The following GOLGB1 variants were observed in gnomAD, a reference collection of about 807,000 sequenced individuals.
GOLGB1 encodes golgin subfamily B member 1.
In GOLGB1, 174 loss-of-function variants were observed where a neutral mutation model predicts 336.9. The observed-to-expected ratio is 0.52, with a 90% CI of 0.46 to 0.59. GOLGB1 has a LOEUF of 0.59. Ranked by LOEUF, GOLGB1 falls within the 20% of genes least tolerant of loss-of-function variation. The pLI, the probability that GOLGB1 is intolerant of heterozygous loss-of-function variation, is 0.00. For missense variants in GOLGB1, 3,331 were observed against 3,645.3 expected, an observed-to-expected ratio of 0.91 and a Z score of 2.22; for synonymous variants, 1,208 against 1,289.2, an observed-to-expected ratio of 0.94 and a Z score of 1.35.
At chr3:121,736,681 T>C (rs574478195) in intron 1 of GOLGB1, among the ~76,000 whole-genome samples, 8 of 152,144 alleles carry the variant, frequency 5.3e-5, no homozygotes, top group South Asian at 2.1e-4. Flanking sequence ...GGCAGGCAGA[T>C]CACTTGAGGT....
chr3:121,669,683 G>A (rs993738232), intron 17 of GOLGB1, among the ~76,000 whole-genome samples: 2 of 152,044 alleles, frequency 1.3e-5, no homozygotes, highest in Non-Finnish European at 2.9e-5. Flanking sequence ...TACATAAGAG[G>A]GAGAAGGCAG....
chr3:121,723,253 A>C (rs772275696), intron 5 of GOLGB1, among the ~76,000 whole-genome samples: 3 of 152,226 alleles, frequency 2.0e-5, no homozygotes, highest in Non-Finnish European at 2.9e-5. Context: ...TTTTGGCATG[A>C]CTATATTTCA....
In GOLGB1 at chr3:121,696,237, T is replaced by C. The variant is rs143141179; in HGVS notation, c.4286A>G (p.Lys1429Arg). The C allele has an allele frequency of 3.2e-5, 51 of 1,614,008 alleles. No individual in the cohort carries two copies. The highest frequency in any genetic ancestry group is 4.2e-5 in the Non-Finnish European group (49 of 1,179,982). The part of the protein sequence containing the change: ...QLSEKEAALT[K>R]IQTEIIEQED... The stretch of plus-strand genomic sequence containing the variant: ...TTGTTCTATTATCTCTGTCTGTATT[T>C]TAGTGAGAGCTGCTTCTTTCTCACT... The change falls in exon 13 of 22, where the codon AAA becomes AGA. Residue 1429 changes from lysine (K) to arginine (R), a missense_variant. Physicochemically the swap from Lys to Arg is conservative, Grantham distance 26. Transcript: ENST00000614479.
At chr3:121,730,622 G>T (rs767304405) in intron 2 of GOLGB1, among the ~76,000 whole-genome samples, 2 of 152,184 alleles carry the variant, frequency 1.3e-5, no homozygotes, top group Non-Finnish European at 2.9e-5. Context: ...AAAACACTCT[G>T]GCACCAAACA....
chr3:121,700,900 T>C (rs1055112898), intron 11 of GOLGB1, among the ~76,000 whole-genome samples: 3 of 152,130 alleles, frequency 2.0e-5, no homozygotes, highest in Non-Finnish European at 1.5e-5. Flanking sequence ...CTAATACTTA[T>C]CATTCTCTGA....
chr3:121,737,978 T>A (rs897417030), intron 1 of GOLGB1, among the ~76,000 whole-genome samples: 5 of 152,164 alleles, frequency 3.3e-5, no homozygotes, highest in Admixed American at 1.3e-4. Flanking sequence ...CATGAGTACA[T>A]AGGGCCATAT....
intron 4 of GOLGB1, among the ~76,000 whole-genome samples, chr3:121,727,320 A>ATATATT (rs1365310516): frequency 1.7e-4 from 5 of 28,636 alleles, no homozygotes; most frequent in African/African-American, 3.9e-4. Flanking sequence ...ATATATATAT[A>ATATATT]TTTTTTTTTT....
chr3:121,674,868 G>A (rs902184786), intron 17 of GOLGB1, among the ~76,000 whole-genome samples: 2 of 125,208 alleles, frequency 1.6e-5, no homozygotes, highest in African/African-American at 3.1e-5. Context: ...TCGCTCTGTC[G>A]CCCAGGCCGG....
chr3:121,730,204 A>G (rs1319703577), intron 2 of GOLGB1, 187 bp from the exon 3 acceptor site: 1 of 473,994 alleles, frequency 2.1e-6, no homozygotes, highest in African/African-American at 2.0e-5. Context: ...ATAAATGTTA[A>G]GCATTTTACA....
intron 17 of GOLGB1, among the ~76,000 whole-genome samples, chr3:121,670,656 G>A (rs1939380324): frequency 6.7e-6 from 1 of 150,082 alleles, no homozygotes; most frequent in African/African-American, 2.5e-5. Flanking sequence ...GGACTCAAGT[G>A]TGGTTCTTGA....
Position 121,677,421 on chromosome 3 carries a change from T to C in GOLGB1, c.8903A>G (p.Glu2968Gly). The change falls in exon 16 of 22, where the codon GAG becomes GGG. Residue 2968 changes from glutamate (E) to glycine (G), a missense_variant. By Grantham distance (98) the Glu-to-Gly change is moderately conservative (BLOSUM62 -2). Coordinates refer to ENST00000614479, the MANE Select transcript of GOLGB1 (RefSeq NM_001366282.2). ...AAGGTACTGTTCCTTCATTCTCCTC[T>C]CATGTATTTCCCAGGAACTCTTCTC... The part of the protein sequence containing the change: ...RMEKSSWEIH[E>G]RRMKEQYLMA... The C allele has an allele frequency of 6.2e-7, 1 of 1,609,334 alleles. No individual in the cohort carries two copies. Among genetic ancestry groups the C allele is most frequent in the Non-Finnish European group, 8.5e-7 (1 of 1,175,866 alleles).
chr3:121,729,057 G>GA (rs374167251), intron 4 of GOLGB1, 131 bp downstream of exon 4: 34,466 of 474,336 alleles, frequency 0.073, no homozygotes, highest in East Asian at 0.1. Context: ...AGCTCTATAA[G>GA]AAAAAAAAAA....
At chr3:121,738,836 G>C (rs1223533417) in intron 1 of GOLGB1, among the ~76,000 whole-genome samples, 2 of 152,126 alleles carry the variant, frequency 1.3e-5, no homozygotes, top group East Asian at 3.8e-4. Flanking sequence ...AAGAAAGGCA[G>C]GAAATCCGAG....
chr3:121,708,164 C>A (rs955561807), intron 10 of GOLGB1, among the ~76,000 whole-genome samples: 1 of 151,980 alleles, frequency 6.6e-6, no homozygotes, highest in African/African-American at 2.4e-5. Context: ...AATAAGCCAA[C>A]AAAAGTGCAT....
intron 4 of GOLGB1, 47 bp downstream of exon 4, chr3:121,729,141 T>C (rs1204331520): frequency 7.5e-7 from 1 of 1,325,574 alleles, no homozygotes; most frequent in Admixed American, 2.2e-5. Context: ...GCTGTATTGG[T>C]AGGTTTTTTC....
At chr3:121,731,718 T>C (rs925112987) in intron 1 of GOLGB1, among the ~76,000 whole-genome samples, 3 of 152,180 alleles carry the variant, frequency 2.0e-5, no homozygotes, top group African/African-American at 7.2e-5. Flanking sequence ...ATTAAATGCA[T>C]ATATTAGAAA....
At chr3:121,714,588 T>G (rs1416805588) in intron 10 of GOLGB1, among the ~76,000 whole-genome samples, 3 of 152,126 alleles carry the variant, frequency 2.0e-5, no homozygotes. Flanking sequence ...ATGATTCATC[T>G]CCGATACAAA....
intron 4 of GOLGB1, among the ~76,000 whole-genome samples, chr3:121,727,322 T>TATA (rs1945747720): frequency 1.2e-3 from 31 of 24,882 alleles, no homozygotes; most frequent in African/African-American, 3.5e-3. Context: ...ATATATATAT[T>TATA]TTTTTTTTTT....
rs767978210 is a variant in GOLGB1, at chr3:121,691,441, T to C, written c.7923A>G (p.Val2641=). 1.4e-5 allele frequency: 23 copies of C among 1,613,856 alleles called. No homozygotes were observed. The Admixed American group carries it at 3.8e-4, about 27-fold the overall frequency. Residue 2641 remains valine, a synonymous_variant, in exon 14 of 22, where the codon GTA becomes GTG. Transcript: ENST00000614479. ...TLGLYHAQLK[V]KEEEVHRLSA... ...TTAACCTGTGTACCTCTTCTTCTTT[T>C]ACTTTTAACTGGGCATGATAGAGTC... is the stretch of plus-strand genomic sequence containing the variant.
Sources: allele counts gnomAD v4.1 joint callset (sites outside exome capture counted in the v4.1 genomes callset), GRCh38; gene constraint gnomAD v4.1.1; transcripts MANE v1.5; gene names NCBI Gene and HGNC (gene_info 2026-07-23, HGNC 2026-07-21).